The following COL23A1 variants were observed in gnomAD, a reference collection of about 807,000 sequenced individuals.
The protein encoded by COL23A1 is collagen alpha-1(XXIII) chain.
A neutral mutation model predicts 99.3 loss-of-function variants in COL23A1; 97 were observed. The ratio of observed to expected loss-of-function variants is 0.98; its 90% confidence interval spans 0.83 to 1.16. COL23A1 has a LOEUF of 1.16. COL23A1 is among the 50% of genes most tolerant of loss of function. COL23A1 has a pLI of 0.00. For missense variants in COL23A1, 762 were observed against 757.4 expected (o/e 1.01, Z -0.07); for synonymous variants, 320 against 308.2 (o/e 1.04, Z -0.40).
At chr5:178,542,786 G>T (rs991264311) in intron 2 of COL23A1, among the ~76,000 whole-genome samples, 3 of 152,224 alleles carry the variant, frequency 2.0e-5, no homozygotes, top group Admixed American at 2.0e-4. Context: ...CAGTCTCTGA[G>T]TAAGAACGGC....
At chr5:178,516,095 G>A (rs573215025) in intron 2 of COL23A1, among the ~76,000 whole-genome samples, 4 of 152,198 alleles carry the variant, frequency 2.6e-5, no homozygotes, top group Admixed American at 6.5e-5. Context: ...AATACTCCAC[G>A]GCACCCTGGG....
At chr5:178,348,804 C>T (rs921353957) in intron 2 of COL23A1, among the ~76,000 whole-genome samples, 1 of 152,198 alleles carries the variant, frequency 6.6e-6, no homozygotes, top group Non-Finnish European at 1.5e-5. Flanking sequence ...AGCCCTTCCT[C>T]AGCCCTTCCA....
At chr5:178,244,767 T>C (rs1764581540) in intron 25 of COL23A1, among the ~76,000 whole-genome samples, 1 of 152,264 alleles carries the variant, frequency 6.6e-6, no homozygotes, top group Non-Finnish European at 1.5e-5. Flanking sequence ...CTATGTTTTC[T>C]ATGTATGCTA....
At chr5:178,582,551 G>A (rs1763719177) in intron 1 of COL23A1, among the ~76,000 whole-genome samples, 1 of 152,184 alleles carries the variant, frequency 6.6e-6, no homozygotes, top group East Asian at 1.9e-4. Flanking sequence ...GCAGAGGACA[G>A]CGGGGCACAG....
intron 25 of COL23A1, among the ~76,000 whole-genome samples, chr5:178,243,345 G>A (rs1002201253): frequency 1.3e-5 from 2 of 150,866 alleles, no homozygotes; most frequent in African/African-American, 2.4e-5. Flanking sequence ...AAAATTAGCC[G>A]TCCTAGCAGC....
intron 2 of COL23A1, among the ~76,000 whole-genome samples, chr5:178,344,295 A>G (rs1174571335): frequency 6.6e-6 from 1 of 152,210 alleles, no homozygotes; most frequent in African/African-American, 2.4e-5. Flanking sequence ...CTATGTAAAC[A>G]GTTGTTACAC....
chr5:178,259,149 G>C (rs1765494804), intron 12 of COL23A1, among the ~76,000 whole-genome samples: 1 of 152,128 alleles, frequency 6.6e-6, no homozygotes, highest in Non-Finnish European at 1.5e-5. Flanking sequence ...TTGAACTCCT[G>C]ATCTCAAGTG....
chr5:178,424,068 T>C (rs1765774515), intron 2 of COL23A1, among the ~76,000 whole-genome samples: 1 of 152,178 alleles, frequency 6.6e-6, no homozygotes, highest in Non-Finnish European at 1.5e-5. Context: ...TTCCTTCCTA[T>C]CTAGGGCCCT....
Position 178,363,883 on chromosome 5 carries a change from T to C in COL23A1, c.362-56964A>G, listed in dbSNP as rs963071349. Among the ~76,000 whole-genome samples, 3 of 152,360 alleles carry C rather than the reference T, an allele frequency of 2.0e-5. No individual in the cohort carries two copies. In the East Asian group the frequency reaches 5.8e-4, roughly 29 times the overall value. On this transcript the variant is annotated intron_variant, in intron 2 of 28. Transcript: ENST00000390654. Reference sequence around the variant, plus strand: ...TTTCCACACTCTGGCACAACCCATCTGGGTGTGGACACGTAGGTTCACGTA... The same window carrying C: ...TTTCCACACTCTGGCACAACCCATCCGGGTGTGGACACGTAGGTTCACGTA...
intron 2 of COL23A1, among the ~76,000 whole-genome samples, chr5:178,523,185 T>TAC (rs1410690216): frequency 1.0e-4 from 5 of 48,166 alleles, no homozygotes; most frequent in Admixed American, 3.0e-4. Context: ...TATACACATA[T>TAC]ATATATATAT....
rs549031913 is a variant in COL23A1, at chr5:178,468,383, C to T, written c.361+92299G>A. ...GGAAGCCAGCACGTGGGTCAAAGGG[C>T]GATGGACTGGGCTAGGGGTCAGTGT... On this transcript the variant is annotated intron_variant, in intron 2 of 28. Coordinates refer to ENST00000390654, the MANE Select transcript of COL23A1 (RefSeq NM_173465.4). This position sits in a 1 kb window ranked among gnomAD's most constrained non-coding sequence, Gnocchi z 4.2. Among the ~76,000 whole-genome samples, 1 of 152,282 alleles carries T rather than the reference C, an allele frequency of 6.6e-6. No individual in the cohort carries two copies. Among genetic ancestry groups the T allele is most frequent in the East Asian group, 1.9e-4 (1 of 5,184 alleles).
intron 2 of COL23A1, among the ~76,000 whole-genome samples, chr5:178,413,375 G>A (rs1320381025): frequency 1.3e-5 from 2 of 152,194 alleles, no homozygotes; most frequent in East Asian, 3.8e-4. Context: ...CTTGCTACAT[G>A]AAATCCAGGT....
intron 8 of COL23A1, among the ~76,000 whole-genome samples, 155 bp downstream of exon 8, chr5:178,267,152 G>A (rs1459671375): frequency 6.6e-6 from 1 of 152,178 alleles, no homozygotes; most frequent in Admixed American, 6.5e-5. Context: ...GGTCCCTGGG[G>A]GCTTCCACCG....
At chr5:178,318,731 T>C (rs149274292) in intron 2 of COL23A1, among the ~76,000 whole-genome samples, 4 of 152,232 alleles carry the variant, frequency 2.6e-5, no homozygotes, top group African/African-American at 7.2e-5. Context: ...CGAAACCCCA[T>C]GTCTAATGAA....
At chr5:178,485,027 G>A (rs182147181) in intron 2 of COL23A1, among the ~76,000 whole-genome samples, 16 of 152,256 alleles carry the variant, frequency 1.1e-4, no homozygotes, top group East Asian at 9.7e-4. Context: ...AGAGGACTTC[G>A]CTTACGGCTC....
At position 178,501,454 on chromosome 5, in the gene COL23A1, G is replaced by A. The variant is rs59642774; in HGVS notation, c.361+59228C>T. On this transcript the variant is annotated intron_variant, in intron 2 of 28. Coordinates refer to ENST00000390654, the MANE Select transcript of COL23A1 (RefSeq NM_173465.4). ...AAATTAGCCAGGCATGGTGGCGGGC[G>A]TCTGCAGTCCCAGCTACTCGGGAGG... 1.3e-3 allele frequency among the ~76,000 whole-genome samples: 194 copies of A among 152,134 alleles called. 1 individual carries two copies. The highest frequency in any genetic ancestry group is 4.2e-3 in the African/African-American group (175 of 41,472).
At chr5:178,443,458 G>T (rs1766993173) in intron 2 of COL23A1, among the ~76,000 whole-genome samples, 1 of 152,146 alleles carries the variant, frequency 6.6e-6, no homozygotes, top group Non-Finnish European at 1.5e-5. Flanking sequence ...TAAATTTTTT[G>T]TTGTTTTTTG....
chr5:178,290,924 C>G (rs867285229), intron 3 of COL23A1, among the ~76,000 whole-genome samples: 2 of 152,158 alleles, frequency 1.3e-5, no homozygotes, highest in South Asian at 2.1e-4. Flanking sequence ...ACAGAGAACC[C>G]TTATGAGGCC....
At chr5:178,256,807 G>C in intron 14 of COL23A1, 59 bp downstream of exon 14, 1 of 1,524,758 alleles carries the variant, frequency 6.6e-7, no homozygotes, top group Non-Finnish European at 9.0e-7. Context: ...TCCCACTCCC[G>C]ACTGGGTGGA....
Sources: allele counts gnomAD v4.1 joint callset (sites outside exome capture counted in the v4.1 genomes callset), GRCh38; gene constraint gnomAD v4.1.1; non-coding constraint Gnocchi (gnomAD v3.1); transcripts MANE v1.5; gene names NCBI Gene and HGNC (gene_info 2026-07-23, HGNC 2026-07-21).